SEPTIN9: variants seen among roughly 807,000 people sequenced by gnomAD.
The protein encoded by SEPTIN9 is septin 9, also known as septin-9.
In SEPTIN9, 13 loss-of-function variants were observed where a neutral mutation model predicts 56.6. The ratio of observed to expected loss-of-function variants is 0.23; its 90% CI spans 0.15 to 0.37. The LOEUF is 0.37. Among genes scored for constraint, SEPTIN9 ranks in the 10% least tolerant of loss-of-function variants. The pLI, the probability that SEPTIN9 is intolerant of heterozygous loss-of-function variation, is 1.00. For missense variants in SEPTIN9, 650 were observed against 823.1 expected, an observed-to-expected ratio of 0.79 and a Z score of 2.57; for synonymous variants, 332 against 334.1, an observed-to-expected ratio of 0.99 and a Z score of 0.07.
At chr17:77,440,464 C>G (rs2037505457) in intron 3 of SEPTIN9, among the ~76,000 whole-genome samples, 1 of 152,198 alleles carries the variant, frequency 6.6e-6, no homozygotes, top group Non-Finnish European at 1.5e-5. Flanking sequence ...TTTCGTATAT[C>G]TATAAAAGAG....
rs536811701 is a variant in SEPTIN9 at position 77,329,967 on chromosome 17, A to G, written c.76+22770A>G. ...GGCAGGTGGGTGGGGGCTGCAGTCC[A>G]TGCCCCCGCTCCAGGCAACACAGTC... is the stretch of plus-strand genomic sequence containing the variant. On this transcript the variant is annotated intron_variant, in intron 2 of 11. Transcript: ENST00000427177. The surrounding 1 kb of genome is among the most constrained non-coding windows in gnomAD (Gnocchi z 4.3). Among the ~76,000 whole-genome samples the G allele has an allele frequency of 6.6e-6, 1 of 152,214 alleles. No individual in the cohort carries two copies. Among genetic ancestry groups the G allele is most frequent in the South Asian group, 2.1e-4 (1 of 4,828 alleles).
intron 3 of SEPTIN9, chr17:77,419,684 G>C (rs541083842): frequency 6.6e-6 from 1 of 151,800 alleles, no homozygotes; most frequent in East Asian, 1.9e-4. Flanking sequence ...GCCGGCACCT[G>C]CTGACTGACG....
At chr17:77,441,206 G>C (rs1260024219) in intron 3 of SEPTIN9, among the ~76,000 whole-genome samples, 1 of 152,122 alleles carries the variant, frequency 6.6e-6, no homozygotes, top group Non-Finnish European at 1.5e-5. Context: ...GCCTGCCCTG[G>C]TGTCTCTGCC....
chr17:77,334,772 G>A (rs1033947415), intron 2 of SEPTIN9, among the ~76,000 whole-genome samples: 2 of 151,492 alleles, frequency 1.3e-5, no homozygotes, highest in Non-Finnish European at 2.9e-5. Flanking sequence ...TATTATAGCC[G>A]TCAGGATGTT....
In SEPTIN9 at chr17:77,492,640, C is replaced by G. The variant is rs1324801735; in HGVS notation, c.1400C>G (p.Ser467Cys). The change falls in exon 9 of 12, where the codon TCC becomes TGC. Residue 467 changes from serine (S) to cysteine (C), a missense_variant. Around this residue, in one of 2 missense-constraint regions of SEPTIN9, gnomAD observed 333 missense variants for 494.0 expected, o/e 0.67. Coordinates refer to ENST00000427177, the MANE Select transcript of SEPTIN9 (RefSeq NM_001113491.2). This position sits in a 1 kb window ranked among gnomAD's most constrained non-coding sequence, Gnocchi z 5.4. ...FKQRITADLLSNGIDVYPQKE... is the reference protein window; with the variant it reads ...FKQRITADLLCNGIDVYPQKE... ...TCCCAGATCACCGCAGACCTGCTGT[C>G]CAACGGCATCGACGTGTACCCCCAG... 2 of 1,613,974 alleles carry G rather than the reference C, an allele frequency of 1.2e-6. No individual in the cohort carries two copies. The highest frequency in any genetic ancestry group is 1.3e-5 in the African/African-American group (1 of 74,900).
At chr17:77,338,708 T>G (rs546025095) in intron 2 of SEPTIN9, among the ~76,000 whole-genome samples, 41 of 152,326 alleles carry the variant, frequency 2.7e-4, no homozygotes, top group African/African-American at 9.6e-4. Flanking sequence ...CGTGAGCCAC[T>G]GCACCTGGCC....
intron 1 of SEPTIN9, among the ~76,000 whole-genome samples, chr17:77,299,854 TCAAGAGAGGGGCTGGTCAC>T (rs66782609): frequency 0.13 from 19,488 of 152,176 alleles, 1,362 homozygotes; most frequent in Non-Finnish European, 0.15. Context: ...CAGCTTGCCG[TCAAGAGAGGGGCTGGTCAC>T]CAAGAGAGGG....
rs116225945 is a variant in SEPTIN9, at chr17:77,454,313, C to T, written c.722-27831C>T. The T allele has an allele frequency of 1.9e-3, 1,888 of 985,514 alleles. 22 individuals are homozygous for T. The African/African-American group carries it at 0.023, about 12-fold the overall frequency. 61.0% of individuals were successfully genotyped at this position (985,514 alleles called of 1,614,324 possible). On this transcript the variant is annotated intron_variant, in intron 3 of 11. Transcript: ENST00000427177. ...ACTCTAGTCCCAGAGTTCTGCCTTCCGGCGCCGAGCTTTGATTTGTTTATT... is the reference window on the plus strand; with the variant it reads ...ACTCTAGTCCCAGAGTTCTGCCTTCTGGCGCCGAGCTTTGATTTGTTTATT...
intron 3 of SEPTIN9, among the ~76,000 whole-genome samples, chr17:77,409,994 C>T (rs2036236334): frequency 6.6e-6 from 1 of 152,192 alleles, no homozygotes; most frequent in African/African-American, 2.4e-5. Context: ...CAGGGAGGCG[C>T]TTCCTCAGTT....
rs368247995 is a variant in SEPTIN9 at position 77,455,656 on chromosome 17, G to A, written c.722-26488G>A. Among the ~76,000 whole-genome samples, 18 of 152,360 alleles carry A rather than the reference G, an allele frequency of 1.2e-4. No homozygotes were observed. The East Asian group carries it at 1.7e-3, about 15-fold the overall frequency. ...CGCCCCCTCCAAGGGGGCCCCCAGC[G>A]GGCGGGGTTGATGGTGCCGTCTCTC... is the stretch of plus-strand genomic sequence containing the variant. On this transcript the variant is annotated intron_variant, in intron 3 of 11. Transcript: ENST00000427177.
rs552208083 is a variant in SEPTIN9 at position 77,490,851 on chromosome 17, A to G, written c.1372A>G (p.Lys458Glu). 1 of 1,576,872 alleles carries G rather than the reference A, an allele frequency of 6.3e-7. No individual in the cohort carries two copies. The highest frequency in any genetic ancestry group is 1.3e-5 in the African/African-American group (1 of 74,218). ...CACCCTGGAGGAGAGGGTCCACTTCAAACAGCGGGTAGGGTTCCATCTCTA... is the reference window on the plus strand; with the variant it reads ...CACCCTGGAGGAGAGGGTCCACTTCGAACAGCGGGTAGGGTTCCATCTCTA... Reference protein sequence around the residue: ...TLTLEERVHFKQRITADLLSN... With the variant: ...TLTLEERVHFEQRITADLLSN... The change falls in exon 8 of 12, where the codon AAA becomes GAA. Residue 458 changes from lysine (K) to glutamate (E), a missense_variant. Physicochemically the swap from Lys to Glu is moderately conservative, Grantham distance 56. Transcript: ENST00000427177.
intron 2 of SEPTIN9, among the ~76,000 whole-genome samples, chr17:77,312,975 C>T (rs904777627): frequency 8.5e-5 from 13 of 152,284 alleles, no homozygotes; most frequent in South Asian, 6.2e-4. Context: ...GACATCATTG[C>T]GGAGAGTTCT....
At chr17:77,469,958 CCCACCCATCCACTCAT>C (rs1156525029) in intron 3 of SEPTIN9, among the ~76,000 whole-genome samples, 2 of 150,234 alleles carry the variant, frequency 1.3e-5, no homozygotes, top group South Asian at 4.2e-4. Flanking sequence ...CATCCACTCA[CCCACCCATCCACTCAT>C]CCACCCATCC....
chr17:77,365,590 C>T (rs2034548427), intron 2 of SEPTIN9, among the ~76,000 whole-genome samples: 1 of 152,154 alleles, frequency 6.6e-6, no homozygotes, highest in South Asian at 2.1e-4. Context: ...AAGGATCTCC[C>T]TGGGATTGTG....
In SEPTIN9 at chr17:77,319,624, T is replaced by C; in HGVS notation, c.76+12427T>C. 1.9e-6 allele frequency: 2 copies of C among 1,060,444 alleles called. No individual in the cohort carries two copies. Among genetic ancestry groups the C allele is most frequent in the Non-Finnish European group, 2.3e-6 (2 of 876,290 alleles). 65.7% of individuals were successfully genotyped at this position (1,060,444 alleles called of 1,614,324 possible). On this transcript the variant is annotated intron_variant, in intron 2 of 11. Transcript: ENST00000427177. This position sits in a 1 kb window ranked among gnomAD's most constrained non-coding sequence, Gnocchi z 5.3. ...AGCACGCTGGCCTGGGGCACGGCCG[T>C]TCCTCCTGCCCAGCCACGTTGGGGT...
chr17:77,491,294 G>A (rs2143395087), intron 8 of SEPTIN9, among the ~76,000 whole-genome samples: 1 of 152,030 alleles, frequency 6.6e-6, no homozygotes, highest in Admixed American at 6.5e-5. Flanking sequence ...ATGGCTCACT[G>A]CAGCCTCCAC....
chr17:77,302,824 G>C (rs1008893935), intron 1 of SEPTIN9, among the ~76,000 whole-genome samples: 8 of 152,110 alleles, frequency 5.3e-5, no homozygotes, highest in African/African-American at 1.9e-4. Context: ...CAGTTGACCT[G>C]GTCTCCACTA....
At chr17:77,291,742 C>T (rs753892042) in intron 1 of SEPTIN9, among the ~76,000 whole-genome samples, 6 of 152,198 alleles carry the variant, frequency 3.9e-5, no homozygotes, top group Non-Finnish European at 7.4e-5. Context: ...CCTCCCAAAG[C>T]GCTGGGAGTA....
chr17:77,303,237 A>G (rs888092552), intron 1 of SEPTIN9, among the ~76,000 whole-genome samples: 4 of 151,492 alleles, frequency 2.6e-5, no homozygotes, highest in Non-Finnish European at 4.4e-5. Flanking sequence ...AGTAGCTGGG[A>G]TTACAGGCGA....
Sources: allele counts gnomAD v4.1 joint callset (sites outside exome capture counted in the v4.1 genomes callset), GRCh38; gene constraint gnomAD v4.1.1; regional missense constraint gnomAD v4.1.1; non-coding constraint Gnocchi (gnomAD v3.1); transcripts MANE v1.5; gene names NCBI Gene and HGNC (gene_info 2026-07-23, HGNC 2026-07-21).